Variants in PRP4K observed in about 807,000 individuals in gnomAD.
The protein encoded by PRP4K is pre-mRNA processing factor kinase PRP4K.
the PRP4K span, chr6:4,047,375 T>C: frequency 1.2e-6 from 1 of 809,678 alleles, no homozygotes; most frequent in Non-Finnish European, 1.9e-6. Flanking sequence ...GTGAAAGGAA[T>C]CTGAAAACTC....
chr6:4,030,494 A>G, the PRP4K span, among the ~76,000 whole-genome samples: 10 of 152,320 alleles, frequency 6.6e-5, no homozygotes, highest in African/African-American at 1.7e-4. Context: ...ATGGTTTATT[A>G]TGGAGTAACT....
At chr6:4,045,019 C>A in the PRP4K span, among the ~76,000 whole-genome samples, 27 of 151,858 alleles carry the variant, frequency 1.8e-4, no homozygotes, top group Admixed American at 1.8e-3. Flanking sequence ...CCTGCCACCA[C>A]GCCTGGCTAA....
the PRP4K span, among the ~76,000 whole-genome samples, chr6:4,038,180 A>G: frequency 1.3e-5 from 2 of 152,224 alleles, no homozygotes; most frequent in Non-Finnish European, 2.9e-5. Context: ...TAAGAAACAA[A>G]GGCTTATATT....
chr6:4,054,542 C>G, the PRP4K span, among the ~76,000 whole-genome samples: 4 of 152,136 alleles, frequency 2.6e-5, no homozygotes, highest in African/African-American at 9.7e-5. Flanking sequence ...CAGCCTTGCC[C>G]TGTTACCAGG....
At chr6:4,060,889 A>G in the PRP4K span, 1 of 402,436 alleles carries the variant, frequency 2.5e-6, no homozygotes, top group African/African-American at 2.0e-5. The surrounding 1 kb of genome is among the most constrained non-coding windows in gnomAD (Gnocchi z 4.7). Flanking sequence ...ACATAAAGAC[A>G]AAAGCATCTG....
At chr6:4,043,091 G>T in the PRP4K span, among the ~76,000 whole-genome samples, 2 of 152,174 alleles carry the variant, frequency 1.3e-5, no homozygotes, top group Non-Finnish European at 2.9e-5. Context: ...TAATTATAAG[G>T]TTTGGTGACT....
the PRP4K span, chr6:4,058,895 A>G: frequency 8.7e-7 from 1 of 1,149,844 alleles, no homozygotes; most frequent in Non-Finnish European, 1.2e-6. Flanking sequence ...GAATTAAAAA[A>G]AAAACAAAAA....
At chr6:4,056,274 A>T in the PRP4K span, 1 of 1,347,068 alleles carries the variant, frequency 7.4e-7, no homozygotes. Flanking sequence ...TATTTGTATT[A>T]ATTATTCCTG....
At chr6:4,035,038 T>C in the PRP4K span, among the ~76,000 whole-genome samples, 101 of 152,130 alleles carry the variant, frequency 6.6e-4, no homozygotes, top group African/African-American at 2.4e-3. Flanking sequence ...AACACTCTGT[T>C]CTTTTTATAC....
the PRP4K span, among the ~76,000 whole-genome samples, chr6:4,038,866 C>A: frequency 6.6e-6 from 1 of 150,994 alleles, no homozygotes; most frequent in Admixed American, 6.6e-5. Flanking sequence ...TTGCTAATTA[C>A]TAGATAGGCC....
At chr6:4,050,364 C>T in the PRP4K span, 1 of 782,770 alleles carries the variant, frequency 1.3e-6, no homozygotes, top group Non-Finnish European at 1.9e-6. Flanking sequence ...AAAATTATAG[C>T]CATATGTCAT....
At chr6:4,042,447 G>A in the PRP4K span, 59 of 1,474,952 alleles carry the variant, frequency 4.0e-5, no homozygotes, top group East Asian at 1.3e-3. Context: ...AAGGGGTATG[G>A]TTTTAGAATC....
At chr6:4,037,354 C>T in the PRP4K span, 3 of 1,470,684 alleles carry the variant, frequency 2.0e-6, no homozygotes, top group African/African-American at 4.3e-5. Flanking sequence ...AAATCATTTA[C>T]TTTGATTTAT....
chr6:4,029,225 C>G, the PRP4K span, among the ~76,000 whole-genome samples: 123 of 151,468 alleles, frequency 8.1e-4, no homozygotes, highest in Non-Finnish European at 1.4e-3. Flanking sequence ...CAACACTGAT[C>G]GACTTGAAGT....
the PRP4K span, chr6:4,056,887 A>G: frequency 1.8e-6 from 2 of 1,081,818 alleles, no homozygotes; most frequent in Non-Finnish European, 2.6e-6. Flanking sequence ...ATTAGTGGGA[A>G]AGAACACAAA....
the PRP4K span, chr6:4,056,986 TC>T: frequency 1.4e-6 from 2 of 1,460,042 alleles, no homozygotes; most frequent in Non-Finnish European, 1.8e-6. Flanking sequence ...AAATTAATAG[TC>T]GTCAGTTTTC....
At chr6:4,059,382 A>G in the PRP4K span, among the ~76,000 whole-genome samples, 91,074 of 151,938 alleles carry the variant, frequency 0.6, 28,895 homozygotes, top group East Asian at 0.77. Context: ...CCCCCTAAAA[A>G]ATGTATCATC....
the PRP4K span, chr6:4,037,614 T>C: frequency 6.4e-7 from 1 of 1,571,394 alleles, no homozygotes. Context: ...TCTGAATGTT[T>C]TTGAACCACC....
chr6:4,042,404 C>A, the PRP4K span: 1 of 1,051,264 alleles, frequency 9.5e-7, no homozygotes, highest in Non-Finnish European at 1.4e-6. Context: ...TTACTGATAC[C>A]TACATTTTCC....
Sources: gnomAD v4.1 joint callset for allele counts (sites outside exome capture counted in the v4.1 genomes callset) on GRCh38, gnomAD v4.1.1 for gene constraint, Gnocchi (gnomAD v3.1) non-coding constraint, MANE v1.5 for transcripts, NCBI Gene and HGNC (gene_info 2026-07-23, HGNC 2026-07-21) for gene names.